Variants in ZNF765 observed in about 807,000 individuals in gnomAD.
The protein encoded by ZNF765 is zinc finger protein 765.
ZNF765 carries 37 observed loss-of-function variants against 44.7 expected under a neutral mutation model. That is an observed-to-expected ratio of 0.83 (90% CI 0.64 to 1.09). ZNF765 has a LOEUF of 1.09. ZNF765 is among the 50% of genes least tolerant of loss of function. The pLI is 0.00. For synonymous variants in ZNF765, 201 were observed against 213.7 expected (o/e 0.94, Z 0.52); for missense variants, 594 against 626.1 (o/e 0.95, Z 0.55).
chr19:53,398,161 T>C (rs1187094745), intron 2 of ZNF765, 131 bp downstream of exon 2: 1 of 1,516,858 alleles, frequency 6.6e-7, no homozygotes, highest in African/African-American at 1.4e-5. Flanking sequence ...ATGCCTTCCT[T>C]CATTCCCTCT....
Position 53,410,308 on chromosome 19 carries a change from CAGG to C in ZNF765, c.*1184_*1186del. The C allele has an allele frequency of 8.5e-6, 3 of 351,738 alleles. No homozygotes were observed. Among genetic ancestry groups the C allele is most frequent in the Non-Finnish European group, 1.7e-5 (3 of 174,206 alleles). The allele number at this position is 351,738 out of a possible 1,614,324, so 21.8% of individuals were successfully genotyped here. Reference sequence around the variant, plus strand: ...CAGTCGCAAATCAAGCCTCCAAAGACAGGAGAATTCATACTGGAGAGAAAGCTT... The same window carrying C: ...CAGTCGCAAATCAAGCCTCCAAAGACAGAATTCATACTGGAGAGAAAGCTT... On this transcript the variant is annotated 3_prime_UTR_variant, in exon 4 of 4. Coordinates refer to ENST00000396408, the MANE Select transcript of ZNF765 (RefSeq NM_001040185.3).
At chr19:53,406,776 G>A (rs754828930) in intron 3 of ZNF765, among the ~76,000 whole-genome samples, 5 of 152,110 alleles carry the variant, frequency 3.3e-5, no homozygotes, top group Admixed American at 3.3e-4. Context: ...TTAGCCAAAC[G>A]TGGTAGTGTG....
At chr19:53,416,684 A>G (rs1226814604), downstream of ZNF765, among the ~76,000 whole-genome samples, 1 of 151,796 alleles carries the variant, frequency 6.6e-6, no homozygotes, top group Admixed American at 6.6e-5. Flanking sequence ...TTATATAACT[A>G]TACATCAATA....
chr19:53,400,087 C>G (rs1383584859), intron 2 of ZNF765, among the ~76,000 whole-genome samples: 1 of 152,152 alleles, frequency 6.6e-6, no homozygotes, highest in African/African-American at 2.4e-5. Context: ...GGTGGGATTA[C>G]AGGCATGAGC....
intron 2 of ZNF765, among the ~76,000 whole-genome samples, chr19:53,399,915 A>G (rs1009517857): frequency 1.3e-5 from 2 of 152,042 alleles, no homozygotes; most frequent in Admixed American, 6.6e-5. Context: ...CCCGGGTTCA[A>G]GTGATTCTCC....
chr19:53,414,249 A>AAAAAAC (rs1190983723), downstream of ZNF765, among the ~76,000 whole-genome samples: 42 of 150,046 alleles, frequency 2.8e-4, 5 homozygotes, highest in Non-Finnish European at 5.6e-4. Context: ...TCAAAAAAAA[A>AAAAAAC]AAAAAGAAAC....
At chr19:53,418,663 A>T (rs2085889105) in intron 3 of ZNF765, among the ~76,000 whole-genome samples, 1 of 152,010 alleles carries the variant, frequency 6.6e-6, no homozygotes, top group Non-Finnish European at 1.5e-5. Context: ...TTGGGAGGCC[A>T]ATGGTGGGGG....
intron 1 of ZNF765, among the ~76,000 whole-genome samples, chr19:53,396,081 A>G (rs2085666103): frequency 6.6e-6 from 1 of 151,852 alleles, no homozygotes; most frequent in South Asian, 2.1e-4. Flanking sequence ...ACAGAGAGCA[A>G]GGTAGGGAGA....
intron 2 of ZNF765, among the ~76,000 whole-genome samples, chr19:53,400,781 T>C (rs112653783): frequency 9.9e-5 from 7 of 70,802 alleles, no homozygotes; most frequent in Non-Finnish European, 2.9e-5. Context: ...TATATATATA[T>C]ATACACACAT....
At chr19:53,422,165 T>C (rs920528088) in intron 3 of ZNF765, among the ~76,000 whole-genome samples, 4 of 152,232 alleles carry the variant, frequency 2.6e-5, no homozygotes, top group African/African-American at 9.6e-5. Context: ...AAATGTCACC[T>C]GTGTAAAATA....
rs1314421020 is a variant in ZNF765, at chr19:53,411,737, C to G, written c.*2610C>G. 1.3e-5 allele frequency: 2 copies of G among 152,246 alleles called. No individual in the cohort carries two copies. The highest frequency in any genetic ancestry group is 2.9e-5 in the Non-Finnish European group (2 of 68,094). The allele number at this position is 152,246 out of a possible 1,614,324, so 9.4% of individuals were successfully genotyped here. On this transcript the variant is annotated 3_prime_UTR_variant, in exon 4 of 4. Coordinates refer to ENST00000396408, the MANE Select transcript of ZNF765 (RefSeq NM_001040185.3). ...CATTTTGATCAATGTTTGTAGATTT[C>G]AAGGTAAAAACCTCTGACCTTTTTA...
At chr19:53,421,095 G>C (rs1238964376) in intron 3 of ZNF765, among the ~76,000 whole-genome samples, 1 of 152,184 alleles carries the variant, frequency 6.6e-6, no homozygotes, top group African/African-American at 2.4e-5. Context: ...GGAGAAAACC[G>C]CCTCAGGGCT....
At chr19:53,413,244 CA>C (rs2085847019), downstream of ZNF765, 1 of 595,126 alleles carries the variant, frequency 1.7e-6, no homozygotes, top group Non-Finnish European at 3.2e-6. Context: ...GAAACAAAAG[CA>C]AAACCGTTCC....
rs2085812516 is a variant in ZNF765, at chr19:53,409,435, A to C, written c.*308A>C. 13 of 854,558 alleles carry C rather than the reference A, an allele frequency of 1.5e-5. No homozygotes were observed. Among genetic ancestry groups the C allele is most frequent in the Non-Finnish European group, 2.6e-5 (13 of 492,116 alleles). The allele number at this position is 854,558 out of a possible 1,614,324, so 52.9% of individuals were successfully genotyped here. Reference sequence around the variant, plus strand: ...CCTTGAAAGACATAGGAGAATTCACACTGGTGAGAAACCTTACAGGTGTAA... The same window carrying C: ...CCTTGAAAGACATAGGAGAATTCACCCTGGTGAGAAACCTTACAGGTGTAA... On this transcript the variant is annotated 3_prime_UTR_variant, in exon 4 of 4. Transcript: ENST00000396408.
At position 53,408,396 on chromosome 19, in the gene ZNF765, A is replaced by C; in HGVS notation, c.841A>C (p.Ser281Arg). The C allele has an allele frequency of 1.9e-6, 3 of 1,614,202 alleles. No individual in the cohort carries two copies. Among genetic ancestry groups the C allele is most frequent in the Admixed American group, 1.7e-5 (1 of 60,034 alleles). The change falls in exon 4 of 4, where the codon AGT becomes CGT. Residue 281 changes from serine (S) to arginine (R), a missense_variant. Physicochemically the swap from Ser to Arg is moderately radical, Grantham distance 110. Coordinates refer to ENST00000396408, the MANE Select transcript of ZNF765 (RefSeq NM_001040185.3). ...YKCNECGKTF[S>R]QTYYLTCHRR... Reference sequence around the variant, plus strand: ...GTGTAATGAGTGTGGCAAGACCTTCAGTCAGACATATTACCTAACATGCCA... The same window carrying C: ...GTGTAATGAGTGTGGCAAGACCTTCCGTCAGACATATTACCTAACATGCCA...
Position 53,411,034 on chromosome 19 carries a change from C to G in ZNF765, c.*1907C>G, listed in dbSNP as rs2147100514. The G allele has an allele frequency of 3.2e-6, 1 of 312,866 alleles. No homozygotes were observed. The highest frequency in any genetic ancestry group is 6.5e-6 in the Non-Finnish European group (1 of 153,796). 19.4% of individuals were successfully genotyped at this position (312,866 alleles called of 1,614,324 possible). On this transcript the variant is annotated 3_prime_UTR_variant, in exon 4 of 4. Transcript: ENST00000396408. ...AAATACAATGTGTATAGCAAACCAT[C>G]AAGCATTAATTGACACTAGAGTCAG...
Position 53,409,632 on chromosome 19 carries a change from G to T in ZNF765, c.*505G>T, listed in dbSNP as rs1214592921. On this transcript the variant is annotated 3_prime_UTR_variant, in exon 4 of 4. Transcript: ENST00000396408. ...GAAACCATACAAGTGTAATGAGTGT[G>T]GCAAGACCTTTAGTCAGAACTCATA... 1 of 1,440,660 alleles carries T rather than the reference G, an allele frequency of 6.9e-7. No homozygotes were observed. The highest frequency in any genetic ancestry group is 1.7e-5 in the Admixed American group (1 of 59,174). The allele number at this position is 1,440,660 out of a possible 1,614,324, so 89.2% of individuals were successfully genotyped here.
downstream of ZNF765, among the ~76,000 whole-genome samples, chr19:53,415,874 T>G (rs2147104684): frequency 6.6e-6 from 1 of 152,288 alleles, no homozygotes; most frequent in South Asian, 2.1e-4. Context: ...CTATTGCATC[T>G]CTCTGACATA....
intron 3 of ZNF765, among the ~76,000 whole-genome samples, chr19:53,407,213 A>G (rs1191096715): frequency 1.3e-5 from 2 of 152,180 alleles, no homozygotes; most frequent in Admixed American, 6.5e-5. Context: ...TTATCTTCTC[A>G]GTGCTATGAT....
Sources: gnomAD v4.1 joint callset for allele counts (sites outside exome capture counted in the v4.1 genomes callset) on GRCh38, gnomAD v4.1.1 for gene constraint, MANE v1.5 for transcripts, NCBI Gene and HGNC (gene_info 2026-07-23, HGNC 2026-07-21) for gene names.